Variants in SMC6 observed in about 807,000 individuals in gnomAD.
The protein encoded by SMC6 is structural maintenance of chromosomes protein 6.
Under a neutral mutation model 142.2 loss-of-function variants are expected in SMC6, and 79 were observed. That is an observed-to-expected ratio of 0.56 (90% confidence interval 0.46 to 0.67). SMC6 has a LOEUF of 0.67. Ranked by LOEUF, SMC6 falls within the 30% of genes least tolerant of loss-of-function variation. The pLI, the probability that SMC6 is intolerant of heterozygous loss-of-function variation, is 0.00. For missense variants in SMC6, 1,072 were observed against 1,284.0 expected (o/e 0.83, Z 2.52); for synonymous variants, 411 against 412.4 (o/e 1.00, Z 0.04).
At chr2:17,721,405 T>G in intron 9 of SMC6, 144 bp from the exon 10 acceptor site, 1 of 912,364 alleles carries the variant, frequency 1.1e-6, no homozygotes, top group East Asian at 3.0e-5. Context: ...TTTAAAATTA[T>G]TCTTGATTCT....
chr2:17,699,068 T>C, intron 21 of SMC6, among the ~76,000 whole-genome samples: 1 of 152,156 alleles, frequency 6.6e-6, no homozygotes, highest in East Asian at 1.9e-4. Context: ...AACATAATTT[T>C]TAAAACTCAA....
At chr2:17,672,791 G>A (rs897134349) in intron 25 of SMC6, among the ~76,000 whole-genome samples, 8 of 152,178 alleles carry the variant, frequency 5.3e-5, no homozygotes, top group African/African-American at 1.9e-4. Flanking sequence ...TTTTCATTAC[G>A]GAACAGTATG....
chr2:17,723,176 A>G (rs1669457383), intron 9 of SMC6, among the ~76,000 whole-genome samples: 1 of 152,088 alleles, frequency 6.6e-6, no homozygotes, highest in Admixed American at 6.5e-5. Context: ...ATCTGCCTAG[A>G]TCATTTCAAA....
Position 17,716,125 on chromosome 2 carries a change from T to C in SMC6, c.1486A>G (p.Arg496Gly), listed in dbSNP as rs1286724854. The change falls in exon 15 of 28, where the codon AGA becomes GGA. Residue 496 changes from arginine to glycine, a missense_variant. Physicochemically the swap from Arg to Gly is moderately radical, Grantham distance 125. This residue lies in a region of SMC6 where 994 missense variants were observed against 1,153.2 expected (regional missense o/e 0.86). Transcript: ENST00000448223. Reference sequence around the variant, plus strand: ...GGTTTATAGGTAAAATGTCCTTGTCTATAAGCATCATCTATGGCTTCAAGA... The same window carrying C: ...GGTTTATAGGTAAAATGTCCTTGTCCATAAGCATCATCTATGGCTTCAAGA... Reference protein sequence around the residue: ...ALLEAIDDAYRQGHFTYKPVG... With the variant: ...ALLEAIDDAYGQGHFTYKPVG... 3.7e-6 allele frequency: 6 copies of C among 1,607,100 alleles called. No individual in the cohort carries two copies. The highest frequency in any genetic ancestry group is 5.1e-6 in the Non-Finnish European group (6 of 1,178,270).
chr2:17,716,944 A>G lies in SMC6; in HGVS notation c.1182-39T>C, dbSNP rs371060116. ...ACCCAAAGTGAAAAATGTTAGTTCA[A>G]TGAACAGCCTAACATTTAAAGAACA... On this transcript the variant is annotated intron_variant, in intron 13 of 27. Transcript: ENST00000448223. The G allele has an allele frequency of 2.7e-5, 43 of 1,572,870 alleles. No individual in the cohort carries two copies. The African/African-American group carries it at 5.5e-4, about 20-fold the overall frequency.
At chr2:17,676,466 G>T (rs1168373441) in intron 25 of SMC6, among the ~76,000 whole-genome samples, 1 of 152,092 alleles carries the variant, frequency 6.6e-6, no homozygotes, top group Admixed American at 6.6e-5. Context: ...TATTTAAAGT[G>T]TACAATTTGA....
chr2:17,709,285 T>C (rs1303329367), intron 16 of SMC6, among the ~76,000 whole-genome samples: 1 of 152,112 alleles, frequency 6.6e-6, no homozygotes, highest in Non-Finnish European at 1.5e-5. Context: ...AGCTAAACAA[T>C]CTTTTCCCTG....
intron 25 of SMC6, among the ~76,000 whole-genome samples, chr2:17,673,210 A>G (rs1666846662): frequency 6.6e-6 from 1 of 152,148 alleles, no homozygotes; most frequent in African/African-American, 2.4e-5. Context: ...AGTGGTTTCT[A>G]TTTAAGCCTT....
At chr2:17,734,407 A>G (rs1670047837) in intron 5 of SMC6, among the ~76,000 whole-genome samples, 1 of 152,218 alleles carries the variant, frequency 6.6e-6, no homozygotes, top group African/African-American at 2.4e-5. Context: ...GGGATTTTTT[A>G]AAAGCTCCCC....
chr2:17,749,418 G>A (rs573552666), intron 2 of SMC6, among the ~76,000 whole-genome samples: 3 of 152,310 alleles, frequency 2.0e-5, no homozygotes, highest in South Asian at 2.1e-4. Context: ...GGCCGGGCGC[G>A]GTGGTTCACG....
chr2:17,714,474 A>G (rs865864071), intron 16 of SMC6, among the ~76,000 whole-genome samples: 2 of 152,172 alleles, frequency 1.3e-5, no homozygotes, highest in Non-Finnish European at 2.9e-5. Flanking sequence ...AGACTTGTTA[A>G]GGTCATCAAA....
At position 17,738,146 on chromosome 2, in the gene SMC6, A is replaced by G. The variant is rs915740133; in HGVS notation, c.344+75T>C. The G allele has an allele frequency of 5.6e-6, 6 of 1,077,200 alleles. No individual in the cohort carries two copies. The African/African-American group carries it at 6.3e-5, about 11-fold the overall frequency. 66.7% of individuals were successfully genotyped at this position (1,077,200 alleles called of 1,614,324 possible). On this transcript the variant is annotated intron_variant, in intron 5 of 27. Coordinates refer to ENST00000448223, the MANE Select transcript of SMC6 (RefSeq NM_001142286.2). The stretch of plus-strand genomic sequence containing the variant: ...AGGCACTTCATTTCCAGTCATGTCT[A>G]TGTGAACTGGGAATCTAAAGTAACT...
At chr2:17,708,818 A>C in intron 16 of SMC6, 65 bp from the exon 17 acceptor site, 1 of 455,224 alleles carries the variant, frequency 2.2e-6, no homozygotes, top group Non-Finnish European at 3.3e-6. Context: ...TACATATGAA[A>C]ATTGTGTATA....
chr2:17,731,814 A>G lies in SMC6; in HGVS notation c.408T>C (p.Tyr136=), dbSNP rs141076777. 292 of 1,613,808 alleles carry G rather than the reference A, an allele frequency of 1.8e-4. No homozygotes were observed. Among genetic ancestry groups the G allele is most frequent in the Non-Finnish European group, 2.3e-4 (268 of 1,179,796 alleles). ...GTTGCTGTATAAGTATAGAGTTACC[A>G]TACACACTGGCTTTAAAGGCATCAT... ...RGDDAFKASV[Y]GNSILIQQHI... The change falls in exon 6 of 28, where the codon TAT becomes TAC. Residue 136 remains tyrosine, a synonymous_variant. Coordinates refer to ENST00000448223, the MANE Select transcript of SMC6 (RefSeq NM_001142286.2).
At chr2:17,732,795 C>T (rs920091281) in intron 5 of SMC6, among the ~76,000 whole-genome samples, 7 of 151,874 alleles carry the variant, frequency 4.6e-5, no homozygotes, top group Admixed American at 2.6e-4. Flanking sequence ...TGCAGCTAAA[C>T]ACACATATAA....
chr2:17,725,599 G>C (rs1334328058), intron 8 of SMC6, among the ~76,000 whole-genome samples: 2 of 151,990 alleles, frequency 1.3e-5, no homozygotes, highest in African/African-American at 4.8e-5. Flanking sequence ...CCCCATGAAA[G>C]AAAACACTTC....
At chr2:17,730,273 C>G (rs1196891407) in intron 7 of SMC6, among the ~76,000 whole-genome samples, 4 of 152,008 alleles carry the variant, frequency 2.6e-5, no homozygotes, top group Non-Finnish European at 5.9e-5. Flanking sequence ...AGTATCTCAG[C>G]AGAAAGGACT....
In SMC6 at chr2:17,731,117, T is replaced by C. The variant is rs1406177819; in HGVS notation, c.504A>G (p.Lys168=). The C allele has an allele frequency of 3.7e-6, 6 of 1,613,004 alleles. No homozygotes were observed. The highest frequency in any genetic ancestry group is 1.3e-5 in the African/African-American group (1 of 75,018). Residue 168 remains lysine, a synonymous_variant, in exon 7 of 28, where the codon AAA becomes AAG. Transcript: ENST00000448223. Reference sequence around the variant, plus strand: ...GATCAAGAATTGCAATCAGCTCTTCTTTCCTCGTGGAAACCACGGAGCCTA... The same window carrying C: ...GATCAAGAATTGCAATCAGCTCTTCCTTCCTCGTGGAAACCACGGAGCCTA... ...SATGSVVSTR[K]EELIAILDHF...
chr2:17,727,123 T>C (rs1188332259), intron 7 of SMC6, among the ~76,000 whole-genome samples: 3 of 152,232 alleles, frequency 2.0e-5, no homozygotes, highest in East Asian at 3.8e-4. Context: ...AACGTGATGG[T>C]TATTACTGAG....
Sources: allele counts gnomAD v4.1 joint callset (sites outside exome capture counted in the v4.1 genomes callset), GRCh38; gene constraint gnomAD v4.1.1; regional missense constraint gnomAD v4.1.1; transcripts MANE v1.5; gene names NCBI Gene and HGNC (gene_info 2026-07-23, HGNC 2026-07-21).